SYNDIG1: variants seen among roughly 807,000 people sequenced by gnomAD.
SYNDIG1 encodes the protein synapse differentiation inducing 1.
Under a neutral mutation model 19.4 loss-of-function variants are expected in SYNDIG1, and 9 were observed. The observed-to-expected ratio is 0.46, with a 90% CI of 0.28 to 0.81. The LOEUF is 0.81. Ranked by LOEUF, SYNDIG1 falls within the 30% of genes least tolerant of loss-of-function variation. The pLI is 0.12. For synonymous variants in SYNDIG1, 141 were observed against 145.9 expected (o/e 0.97, Z 0.24); for missense variants, 311 against 343.3 (o/e 0.91, Z 0.74).
In SYNDIG1 at chr20:24,543,227, C is replaced by T. The variant is rs1460239238; in HGVS notation, c.130C>T (p.Pro44Ser). ...CAGAGATGGTCTGGTGTCTGTTTAC[C>T]CAGCGCCCCAGTACCAGAGCCACCG... Reference protein sequence around the residue: ...ESRDGLVSVYPAPQYQSHRVG... With the variant: ...ESRDGLVSVYSAPQYQSHRVG... Residue 44 changes from proline to serine, a missense_variant, in exon 2 of 4, where the codon CCA (proline) becomes TCA (serine). Pro to Ser is a moderately conservative substitution (Grantham distance 74). Coordinates refer to ENST00000376862, the MANE Select transcript of SYNDIG1 (RefSeq NM_024893.3). The T allele has an allele frequency of 6.2e-7, 1 of 1,613,768 alleles. No individual in the cohort carries two copies. Among genetic ancestry groups the T allele is most frequent in the East Asian group, 2.2e-5 (1 of 44,882 alleles).
chr20:24,487,702 G>A (rs2056008303), intron 1 of SYNDIG1, among the ~76,000 whole-genome samples: 1 of 152,068 alleles, frequency 6.6e-6, no homozygotes, highest in South Asian at 2.1e-4. Flanking sequence ...GGAATATTTG[G>A]CCCCATGTGA....
chr20:24,644,175 G>A (rs1037697057), intron 3 of SYNDIG1, among the ~76,000 whole-genome samples: 4 of 152,184 alleles, frequency 2.6e-5, no homozygotes, highest in African/African-American at 9.7e-5. Context: ...TGAGCAAATT[G>A]GTCTGCTCTA....
rs2057790643 is a variant in SYNDIG1, at chr20:24,555,283, G to A, written c.480+11706G>A. ...TCTGGATTCATTAATTTTTTGAAGG[G>A]TTTTTTGTGTCTCTATTTCCTTCAG... On this transcript the variant is annotated intron_variant, in intron 2 of 3. Coordinates refer to ENST00000376862, the MANE Select transcript of SYNDIG1 (RefSeq NM_024893.3). 2.0e-5 allele frequency among the ~76,000 whole-genome samples: 3 copies of A among 152,076 alleles called. No individual in the cohort carries two copies. In the South Asian group the frequency reaches 6.2e-4, roughly 31 times the overall value.
At position 24,624,853 on chromosome 20, in the gene SYNDIG1, G is replaced by T. The variant is rs367734580; in HGVS notation, c.618+39860G>T. Among the ~76,000 whole-genome samples the T allele has an allele frequency of 3.9e-5, 6 of 152,190 alleles. No homozygotes were observed. In the East Asian group the frequency reaches 7.7e-4, roughly 20 times the overall value. On this transcript the variant is annotated intron_variant, in intron 3 of 3. Transcript: ENST00000376862. Reference sequence around the variant, plus strand: ...GTAGAGAAAATAAAAAGTATGTGAGGCAGACAACAAAATAATTAAGACAGA... The same window carrying T: ...GTAGAGAAAATAAAAAGTATGTGAGTCAGACAACAAAATAATTAAGACAGA...
intron 3 of SYNDIG1, among the ~76,000 whole-genome samples, chr20:24,661,556 AAAG>A (rs1181040919): frequency 4.0e-5 from 2 of 49,552 alleles, no homozygotes; most frequent in Admixed American, 1.8e-4. Context: ...AGGGAGGAAA[AAAG>A]AGAGGAAGGA....
chr20:24,504,972 C>T lies in SYNDIG1; in HGVS notation c.-79+35219C>T, dbSNP rs1002445036. Among the ~76,000 whole-genome samples the T allele has an allele frequency of 8.5e-5, 13 of 152,112 alleles. No homozygotes were observed. In the East Asian group the frequency reaches 2.1e-3, roughly 25 times the overall value. ...AGGATGGTAGCTTGGTCCAGGGTGA[C>T]AAGGGGGAAGAATCAGTAGGACTTG... On this transcript the variant is annotated intron_variant, in intron 1 of 3. Transcript: ENST00000376862.
chr20:24,485,467 T>C (rs1016569585), intron 1 of SYNDIG1, among the ~76,000 whole-genome samples: 1 of 152,180 alleles, frequency 6.6e-6, no homozygotes, highest in African/African-American at 2.4e-5. Flanking sequence ...ACTGAAGAGA[T>C]AGAAAGGAAA....
intron 1 of SYNDIG1, among the ~76,000 whole-genome samples, chr20:24,492,722 G>A (rs959094164): frequency 2.0e-5 from 3 of 152,184 alleles, no homozygotes; most frequent in African/African-American, 7.2e-5. Context: ...CCAGGGGAGG[G>A]GCCCAGCACC....
At chr20:24,564,689 G>A (rs184092163) in intron 2 of SYNDIG1, among the ~76,000 whole-genome samples, 5 of 152,330 alleles carry the variant, frequency 3.3e-5, no homozygotes, top group East Asian at 1.9e-4. Flanking sequence ...AATGGTACAC[G>A]TGGCTGGCAC....
chr20:24,617,473 T>C (rs1322053451), intron 3 of SYNDIG1, among the ~76,000 whole-genome samples: 1 of 152,200 alleles, frequency 6.6e-6, no homozygotes, highest in African/African-American at 2.4e-5. Context: ...GCAGCAGCAA[T>C]GCCTGTGAGA....
At chr20:24,645,643 C>G (rs989922504) in intron 3 of SYNDIG1, among the ~76,000 whole-genome samples, 1 of 152,220 alleles carries the variant, frequency 6.6e-6, no homozygotes. Flanking sequence ...AGCAGATGAT[C>G]CTGCTGTCCC....
intron 2 of SYNDIG1, among the ~76,000 whole-genome samples, chr20:24,557,754 G>T (rs557044619): frequency 9.0e-4 from 137 of 152,302 alleles, no homozygotes; most frequent in African/African-American, 3.0e-3. Context: ...CGGGGGTCAG[G>T]GGTCAGGGAC....
chr20:24,647,733 A>G (rs1172823118), intron 3 of SYNDIG1, among the ~76,000 whole-genome samples: 1 of 151,120 alleles, frequency 6.6e-6, no homozygotes, highest in Non-Finnish European at 1.5e-5. Flanking sequence ...TGAGATAAAA[A>G]GCTCAGGAAA....
At chr20:24,647,926 C>A (rs750189357) in intron 3 of SYNDIG1, among the ~76,000 whole-genome samples, 2 of 151,918 alleles carry the variant, frequency 1.3e-5, no homozygotes, top group Non-Finnish European at 2.9e-5. Flanking sequence ...GATCAGGGTA[C>A]TAGCACGGTC....
intron 1 of SYNDIG1, among the ~76,000 whole-genome samples, chr20:24,539,639 A>G (rs1263343720): frequency 6.6e-6 from 1 of 152,216 alleles, no homozygotes; most frequent in Non-Finnish European, 1.5e-5. Context: ...TTTGCTACTG[A>G]TCGCACTGAA....
rs2058660849 is a variant in SYNDIG1 at position 24,600,332 on chromosome 20, A to AAAT, written c.618+15342_618+15344dup. On this transcript the variant is annotated intron_variant, in intron 3 of 3. Transcript: ENST00000376862. ...GATTGTCAAACCTTTCCTAGTTTGA[A>AAAT]AATAACAGTCAGAATAGAAACCTAA... is the stretch of plus-strand genomic sequence containing the variant. Among the ~76,000 whole-genome samples, 3 of 152,298 alleles carry AAAT rather than the reference A, an allele frequency of 2.0e-5. No homozygotes were observed. The South Asian group carries it at 6.2e-4, about 32-fold the overall frequency.
chr20:24,653,936 TACTC>T (rs1314752838), intron 3 of SYNDIG1, among the ~76,000 whole-genome samples: 9 of 152,204 alleles, frequency 5.9e-5, no homozygotes, highest in African/African-American at 1.9e-4. Flanking sequence ...CATTTAAACT[TACTC>T]ACCTCTTTAA....
chr20:24,531,754 T>C (rs1334044070), intron 1 of SYNDIG1, among the ~76,000 whole-genome samples: 2 of 152,290 alleles, frequency 1.3e-5, no homozygotes, highest in East Asian at 3.9e-4. Context: ...TCACAGAAGG[T>C]GTGTGCTATG....
chr20:24,584,830 C>T, intron 2 of SYNDIG1, 26 bp from the exon 3 acceptor site: 3 of 1,614,016 alleles, frequency 1.9e-6, no homozygotes, highest in African/African-American at 1.3e-5. Context: ...TCTCTCCTGT[C>T]CTGTCCTGCT....
Sources: gnomAD v4.1 joint callset for allele counts (sites outside exome capture counted in the v4.1 genomes callset) on GRCh38, gnomAD v4.1.1 for gene constraint, MANE v1.5 for transcripts, NCBI Gene and HGNC (gene_info 2026-07-23, HGNC 2026-07-21) for gene names.